Variants in PHC2 observed in about 807,000 individuals in gnomAD.
PHC2 encodes polyhomeotic-like protein 2.
Under a neutral mutation model 87.4 loss-of-function variants are expected in PHC2, and 29 were observed. The ratio of observed to expected loss-of-function variants is 0.33; its 90% CI spans 0.25 to 0.45. PHC2 has a LOEUF of 0.45. PHC2 is among the 20% of genes least tolerant of loss of function. The pLI is 1.00. For missense variants in PHC2, 857 were observed against 1,136.7 expected (o/e 0.75, Z 3.54); for synonymous variants, 438 against 461.7 (o/e 0.95, Z 0.66).
chr1:33,386,628 A>G (rs1161122655), intron 1 of PHC2, among the ~76,000 whole-genome samples: 2 of 152,178 alleles, frequency 1.3e-5, no homozygotes, highest in African/African-American at 4.8e-5. Flanking sequence ...ACAGGAGTTC[A>G]TGACCAGCCA....
At position 33,331,881 on chromosome 1, in the gene PHC2, A is replaced by C. The variant is rs1646506403; in HGVS notation, c.1891+394T>G. On this transcript the variant is annotated intron_variant, in intron 11 of 14. Coordinates refer to ENST00000683057, the MANE Select transcript of PHC2 (RefSeq NM_001385109.1). The surrounding 1 kb of genome is among the most constrained non-coding windows in gnomAD (Gnocchi z 5.2). The stretch of plus-strand genomic sequence containing the variant: ...GGAGCCCACGCTCCTGCAGCTGTGC[A>C]GCTCTGTCAGTGCTTCATGTGGAAA... Among the ~76,000 whole-genome samples, 2 of 152,252 alleles carry C rather than the reference A, an allele frequency of 1.3e-5. No homozygotes were observed. Among genetic ancestry groups the C allele is most frequent in the South Asian group, 4.1e-4 (2 of 4,834 alleles).
At position 33,331,474 on chromosome 1, in the gene PHC2, A is replaced by G. The variant is rs192260786; in HGVS notation, c.1892-12T>C. ...CTCCTCTTTGGATTCTGAAAAGTAT[A>G]GAAATGGGTAGGGTGGAGAATGAGA... On this transcript the variant is annotated splice_polypyrimidine_tract_variant and intron_variant, in intron 11 of 14. Transcript: ENST00000683057. The surrounding 1 kb of genome is among the most constrained non-coding windows in gnomAD (Gnocchi z 5.2). 1,608 of 1,458,146 alleles carry G rather than the reference A, an allele frequency of 1.1e-3. 1 individual carries two copies. Among genetic ancestry groups the G allele is most frequent in the Non-Finnish European group, 1.2e-3 (1,256 of 1,039,260 alleles). The allele number at this position is 1,458,146 out of a possible 1,614,324, so 90.3% of individuals were successfully genotyped here. A position where few individuals can be genotyped will look rare whatever the true frequency, so the allele number is the denominator to read the frequency against.
At chr1:33,370,194 C>T (rs183131358) in intron 5 of PHC2, among the ~76,000 whole-genome samples, 46 of 152,270 alleles carry the variant, frequency 3.0e-4, no homozygotes, top group Non-Finnish European at 5.7e-4. Context: ...AAGGTGGCAT[C>T]GCAGGAACTT....
chr1:33,386,822 C>G (rs932492774), intron 1 of PHC2, among the ~76,000 whole-genome samples: 4 of 151,920 alleles, frequency 2.6e-5, no homozygotes, highest in Non-Finnish European at 4.4e-5. Context: ...ACCCTGCACA[C>G]ATACAAAGCA....
At chr1:33,355,763 T>C (rs1469479763) in intron 7 of PHC2, among the ~76,000 whole-genome samples, 1 of 152,226 alleles carries the variant, frequency 6.6e-6, no homozygotes, top group Non-Finnish European at 1.5e-5. Context: ...GGTTCTTGGA[T>C]CCTGGCATCA....
chr1:33,336,584 T>C (rs1028004524), intron 9 of PHC2: 2 of 152,254 alleles, frequency 1.3e-5, no homozygotes, highest in African/African-American at 4.8e-5. Flanking sequence ...AAACATTTCC[T>C]TTCTTTTAGA....
At chr1:33,386,344 C>T (rs983398150) in intron 1 of PHC2, among the ~76,000 whole-genome samples, 2 of 151,574 alleles carry the variant, frequency 1.3e-5, no homozygotes, top group Non-Finnish European at 2.9e-5. Flanking sequence ...AGTGAAACCC[C>T]GTCTCTACTG....
intron 13 of PHC2, among the ~76,000 whole-genome samples, chr1:33,329,681 C>T (rs982425819): frequency 2.0e-5 from 3 of 152,064 alleles, no homozygotes; most frequent in Admixed American, 6.6e-5. Context: ...ACTCTGTGCT[C>T]GCGTGTTCAG....
intron 1 of PHC2, among the ~76,000 whole-genome samples, chr1:33,414,854 G>A (rs1465953479): frequency 2.0e-5 from 3 of 152,294 alleles, no homozygotes; most frequent in African/African-American, 7.2e-5. Context: ...TCTACTAGTA[G>A]TCAATATGTA....
At chr1:33,424,311 C>G (rs1570517815) in intron 1 of PHC2, among the ~76,000 whole-genome samples, 2 of 152,218 alleles carry the variant, frequency 1.3e-5, no homozygotes, top group East Asian at 3.9e-4. Context: ...AAGTCTAAAG[C>G]CACCTTTATC....
chr1:33,399,269 GA>G (rs1472506531), intron 1 of PHC2, among the ~76,000 whole-genome samples: 2 of 152,088 alleles, frequency 1.3e-5, no homozygotes, highest in African/African-American at 4.8e-5. Flanking sequence ...AAGACTTCTA[GA>G]ATAGTACTCA....
chr1:33,427,179 G>A (rs994442400), intron 1 of PHC2, among the ~76,000 whole-genome samples: 2 of 152,136 alleles, frequency 1.3e-5, no homozygotes, highest in Non-Finnish European at 2.9e-5. Context: ...TTATAATCTG[G>A]TGCTGGGAAG....
At chr1:33,408,458 GT>G (rs780799213) in intron 1 of PHC2, among the ~76,000 whole-genome samples, 3 of 148,614 alleles carry the variant, frequency 2.0e-5, no homozygotes, top group Non-Finnish European at 3.0e-5. Context: ...TTTTTGTTTT[GT>G]TTTTGTTTGT....
chr1:33,405,924 A>G (rs544205124), intron 1 of PHC2, among the ~76,000 whole-genome samples: 46 of 152,358 alleles, frequency 3.0e-4, no homozygotes, highest in Non-Finnish European at 5.6e-4. Flanking sequence ...GTCAACTTTT[A>G]TAACTGTTCC....
chr1:33,372,568 AC>A, intron 2 of PHC2, 121 bp from the exon 3 acceptor site: 1 of 700,504 alleles, frequency 1.4e-6, no homozygotes, highest in Non-Finnish European at 2.0e-6. Context: ...AAGATCTGTG[AC>A]CACCACCACA....
rs1647032351 is a variant in PHC2 at position 33,354,563 on chromosome 1, G to T, written c.1396C>A (p.Gln466Lys). 6.2e-7 allele frequency: 1 copy of T among 1,612,850 alleles called. No homozygotes were observed. The highest frequency in any genetic ancestry group is 8.5e-7 in the Non-Finnish European group (1 of 1,179,416). Residue 466 changes from glutamine (Q) to lysine (K), a missense_variant, in exon 9 of 15, where the codon CAG becomes AAG. Physicochemically the swap from Gln to Lys is moderately conservative, Grantham distance 53. Around this residue, in one of 3 missense-constraint regions of PHC2, gnomAD observed 832 missense variants for 1,081.8 expected, o/e 0.77. Coordinates refer to ENST00000683057, the MANE Select transcript of PHC2 (RefSeq NM_001385109.1). Reference sequence around the variant, plus strand: ...TTCCAGTCATCAGGGACACACTGCTGGGGCTGTCAAAGGACAGGACAGAGA... The same window carrying T: ...TTCCAGTCATCAGGGACACACTGCTTGGGCTGTCAAAGGACAGGACAGAGA... ...LQLQPASPVPQQCVPDDWKEV... is the reference protein window; with the variant it reads ...LQLQPASPVPKQCVPDDWKEV...
rs1264446656 is a variant in PHC2 at position 33,364,378 on chromosome 1, ACAC to A, written c.976+2735_976+2737del. 7.0e-6 allele frequency among the ~76,000 whole-genome samples: 1 copy of A among 143,042 alleles called. No homozygotes were observed. The highest frequency in any genetic ancestry group is 2.8e-5 in the African/African-American group (1 of 36,334). The allele number at this position is 143,042 out of a possible 152,430, so 93.8% of individuals were successfully genotyped here. A position where few individuals can be genotyped will look rare whatever the true frequency, so the allele number is the denominator to read the frequency against. ...CTCCCAGACACACACACACACACACACACACTTGCTTTCACACACACACACACA... is the reference window on the plus strand; with the variant it reads ...CTCCCAGACACACACACACACACACAACTTGCTTTCACACACACACACACA... On this transcript the variant is annotated intron_variant, in intron 7 of 14. Coordinates refer to ENST00000683057, the MANE Select transcript of PHC2 (RefSeq NM_001385109.1). The surrounding 1 kb of genome is among the most constrained non-coding windows in gnomAD (Gnocchi z 4.1).
At chr1:33,388,713 C>T (rs1283598441) in intron 1 of PHC2, among the ~76,000 whole-genome samples, 3 of 152,188 alleles carry the variant, frequency 2.0e-5, no homozygotes, top group Non-Finnish European at 2.9e-5. Context: ...GCACCATGTG[C>T]AGCACAGAAT....
intron 9 of PHC2, among the ~76,000 whole-genome samples, chr1:33,342,387 G>C (rs1179875500): frequency 6.6e-6 from 1 of 152,226 alleles, no homozygotes; most frequent in African/African-American, 2.4e-5. Context: ...CACAGGCAAA[G>C]AGAACGGCCC....
Sources: allele counts gnomAD v4.1 joint callset (sites outside exome capture counted in the v4.1 genomes callset), GRCh38; gene constraint gnomAD v4.1.1; regional missense constraint gnomAD v4.1.1; non-coding constraint Gnocchi (gnomAD v3.1); transcripts MANE v1.5; gene names NCBI Gene and HGNC (gene_info 2026-07-23, HGNC 2026-07-21).